Variants in WNK1 observed in about 807,000 individuals in gnomAD.
The protein encoded by WNK1 is WNK lysine deficient protein kinase 1, also known as serine/threonine-protein kinase WNK1.
WNK1 carries 38 observed loss-of-function variants against 222.8 expected under a neutral mutation model. The observed-to-expected ratio is 0.17, with a 90% confidence interval of 0.13 to 0.22. The LOEUF (loss-of-function observed/expected upper bound fraction) is 0.22. Ranked by LOEUF, WNK1 falls within the 10% of genes least tolerant of loss-of-function variation. The pLI is 1.00. For synonymous variants in WNK1, 1,090 were observed against 1,092.9 expected (o/e 1.00, Z 0.05); for missense variants, 2,348 against 2,918.4 (o/e 0.80, Z 4.50).
chr12:881,322 C>G (rs1592155408), intron 12 of WNK1: 1 of 442,270 alleles, frequency 2.3e-6, no homozygotes. Context: ...TCTTACCCTC[C>G]TGTGCTCTCA....
intron 1 of WNK1, among the ~76,000 whole-genome samples, chr12:758,732 T>C (rs1470225845): frequency 6.8e-6 from 1 of 147,356 alleles, no homozygotes; most frequent in Non-Finnish European, 1.5e-5. Context: ...CAGCGTAACT[T>C]TCCGTCTCAG....
In WNK1 at chr12:754,207, G is replaced by A. The variant is rs1437174915; in HGVS notation, c.642G>A (p.Met214Ile). The change falls in exon 1 of 28, where the codon ATG (methionine) becomes ATA (isoleucine). Residue 214 changes from methionine to isoleucine, a missense_variant. Physicochemically the swap from Met to Ile is conservative, Grantham distance 10 (BLOSUM62 1). Transcript: ENST00000315939. ...IEELETKAVG[M>I]SNDGRFLKFD... ...AGCTGGAGACCAAGGCCGTGGGAATGTCTAACGATGGCCGCTTTCTCAAGT... is the reference window on the plus strand; with the variant it reads ...AGCTGGAGACCAAGGCCGTGGGAATATCTAACGATGGCCGCTTTCTCAAGT... 1.2e-6 allele frequency: 2 copies of A among 1,613,830 alleles called. No homozygotes were observed. Among genetic ancestry groups the A allele is most frequent in the Non-Finnish European group, 1.7e-6 (2 of 1,180,038 alleles).
chr12:801,986 A>ATT (rs1945924473), intron 1 of WNK1, among the ~76,000 whole-genome samples: 2 of 152,154 alleles, frequency 1.3e-5, no homozygotes, highest in Non-Finnish European at 2.9e-5. Flanking sequence ...TAACCAGAAA[A>ATT]TTGAGCAGTC....
Position 859,506 on chromosome 12 carries a change from A to G in WNK1, c.1620+42A>G, listed in dbSNP as rs752937667. ...CATTTTAAAATTGATTTAGACTTATATATATCAATACTATCATTAAGCAAA... is the reference window on the plus strand; with the variant it reads ...CATTTTAAAATTGATTTAGACTTATGTATATCAATACTATCATTAAGCAAA... On this transcript the variant is annotated intron_variant, in intron 6 of 27. Transcript: ENST00000315939. 2.1e-6 allele frequency: 3 copies of G among 1,459,838 alleles called. No individual in the cohort carries two copies. In the East Asian group the frequency reaches 6.8e-5, roughly 33 times the overall value. 90.4% of individuals were successfully genotyped at this position (1,459,838 alleles called of 1,614,324 possible).
chr12:907,622 T>G (rs1394195715), intron 26 of WNK1: 1 of 589,980 alleles, frequency 1.7e-6, no homozygotes, highest in Non-Finnish European at 3.0e-6. Flanking sequence ...TCATCCTGAG[T>G]TGTTCAGCCT....
At chr12:865,029 A>T in intron 8 of WNK1, 2 of 1,422,570 alleles carry the variant, frequency 1.4e-6, no homozygotes, top group Non-Finnish European at 1.8e-6. Flanking sequence ...TCATGCAACT[A>T]TGCCCTGTTA....
At chr12:832,071 T>TTTTA (rs1290082991) in intron 4 of WNK1, among the ~76,000 whole-genome samples, 2 of 152,050 alleles carry the variant, frequency 1.3e-5, no homozygotes, top group East Asian at 1.9e-4. Flanking sequence ...ATTTTTAATT[T>TTTTA]TTTATTTATT....
At chr12:894,452 TA>T in intron 22 of WNK1, 109 bp from the exon 23 acceptor site, 1 of 921,280 alleles carries the variant, frequency 1.1e-6, no homozygotes, top group Non-Finnish European at 1.8e-6. Flanking sequence ...TCTTTGCCTC[TA>T]ACAGCTTTCC....
chr12:829,642 C>T (rs1948641397), intron 3 of WNK1, among the ~76,000 whole-genome samples: 2 of 152,128 alleles, frequency 1.3e-5, no homozygotes, highest in African/African-American at 4.8e-5. Flanking sequence ...TTGTTCCTTG[C>T]ATAGTGTCTT....
rs1362825515 is a variant in WNK1, at chr12:827,454, A to G, written c.1153+192A>G. The G allele has an allele frequency of 1.3e-5, 8 of 606,492 alleles. No individual in the cohort carries two copies. The highest frequency in any genetic ancestry group is 5.6e-5 in the African/African-American group (3 of 54,016). The allele number at this position is 606,492 out of a possible 1,614,324, so 37.6% of individuals were successfully genotyped here. A position where few individuals can be genotyped will look rare whatever the true frequency, so the allele number is the denominator to read the frequency against. ...GCTTCTTGGAATCATCTTAGAGACTATTGGTAACATTACGTTACAAGAAAT... is the reference window on the plus strand; with the variant it reads ...GCTTCTTGGAATCATCTTAGAGACTGTTGGTAACATTACGTTACAAGAAAT... On this transcript the variant is annotated intron_variant, in intron 3 of 27. Coordinates refer to ENST00000315939, the MANE Select transcript of WNK1 (RefSeq NM_018979.4). This position sits in a 1 kb window ranked among gnomAD's most constrained non-coding sequence, Gnocchi z 4.6.
intron 5 of WNK1, among the ~76,000 whole-genome samples, chr12:857,611 A>G (rs1950883343): frequency 6.6e-6 from 1 of 152,260 alleles, no homozygotes; most frequent in South Asian, 2.1e-4. Flanking sequence ...AAGTGGTGAA[A>G]TAAAACTTTG....
At chr12:851,251 A>C (rs1950400042) in intron 4 of WNK1, among the ~76,000 whole-genome samples, 1 of 152,110 alleles carries the variant, frequency 6.6e-6, no homozygotes, top group African/African-American at 2.4e-5. Flanking sequence ...TTTTCTTTTA[A>C]AGTACACTTT....
chr12:771,058 T>G (rs1408134646), intron 1 of WNK1, among the ~76,000 whole-genome samples: 1 of 152,070 alleles, frequency 6.6e-6, no homozygotes, highest in Non-Finnish European at 1.5e-5. Flanking sequence ...AGTGCAGTGG[T>G]GTGATCTCAG....
rs1038987737 is a variant in WNK1, at chr12:827,410, T to A, written c.1153+148T>A. On this transcript the variant is annotated intron_variant, in intron 3 of 27. Transcript: ENST00000315939. The surrounding 1 kb of genome is among the most constrained non-coding windows in gnomAD (Gnocchi z 4.6). ...GGTGATCCATTGTACTTATGAGATATAGGATTCTCTATATTTGTGCTTCTT... is the reference window on the plus strand; with the variant it reads ...GGTGATCCATTGTACTTATGAGATAAAGGATTCTCTATATTTGTGCTTCTT... 17 of 688,542 alleles carry A rather than the reference T, an allele frequency of 2.5e-5. No homozygotes were observed. The highest frequency in any genetic ancestry group is 4.1e-5 in the Non-Finnish European group (16 of 387,510). 42.7% of individuals were successfully genotyped at this position (688,542 alleles called of 1,614,324 possible).
At chr12:773,127 G>A (rs1216368244) in intron 1 of WNK1, among the ~76,000 whole-genome samples, 1 of 152,102 alleles carries the variant, frequency 6.6e-6, no homozygotes, top group East Asian at 1.9e-4. Flanking sequence ...GTGTGGTGAC[G>A]CATGCCTGTT....
chr12:808,525 G>C (rs1362492296), intron 1 of WNK1, among the ~76,000 whole-genome samples: 2 of 151,510 alleles, frequency 1.3e-5, no homozygotes, highest in African/African-American at 4.9e-5. Context: ...TTGTGGTTCA[G>C]CTATTATATG....
In WNK1 at chr12:897,501, C is replaced by G. The variant is rs992432813; in HGVS notation, c.6268C>G (p.Leu2090Val). The change falls in exon 25 of 28, where the codon CTG (leucine) becomes GTG (valine). Residue 2090 changes from leucine (L) to valine (V), a missense_variant. Leu to Val is a conservative substitution (Grantham distance 32, BLOSUM62 1). This residue lies in a region of WNK1 where 1,144 missense variants were observed against 1,273.6 expected (regional missense o/e 0.90). Coordinates refer to ENST00000315939, the MANE Select transcript of WNK1 (RefSeq NM_018979.4). ...CAGACATCTCAAAGAGATTCAGGAC[C>G]TGCAGAGTCGCCAGAAGCATGAAAT... ...RDKHLKEIQDLQSRQKHEIES... is the reference protein window; with the variant it reads ...RDKHLKEIQDVQSRQKHEIES... The G allele has an allele frequency of 5.6e-6, 9 of 1,607,256 alleles. No homozygotes were observed. The African/African-American group carries it at 1.2e-4, about 21-fold the overall frequency.
At chr12:869,323 C>A (rs994290671) in intron 8 of WNK1, 6 of 630,132 alleles carry the variant, frequency 9.5e-6, no homozygotes, top group Non-Finnish European at 1.7e-5. Flanking sequence ...TATGTGAAAA[C>A]CAGTGGAAAA....
At chr12:851,821 G>A (rs1400410086) in intron 4 of WNK1, 4 of 1,281,332 alleles carry the variant, frequency 3.1e-6, no homozygotes, top group Non-Finnish European at 3.0e-6. Context: ...AGTTTATATT[G>A]TAGCCTTTTT....
Sources: gnomAD v4.1 joint callset for allele counts (sites outside exome capture counted in the v4.1 genomes callset) on GRCh38, gnomAD v4.1.1 for gene constraint, gnomAD v4.1.1 regional missense constraint, Gnocchi (gnomAD v3.1) non-coding constraint, MANE v1.5 for transcripts, NCBI Gene and HGNC (gene_info 2026-07-23, HGNC 2026-07-21) for gene names.